The following FBXW7 variants were observed in gnomAD, a reference collection of about 807,000 sequenced individuals.
The protein encoded by FBXW7 is F-box/WD repeat-containing protein 7.
FBXW7 carries 11 observed loss-of-function variants against 86.3 expected under a neutral mutation model. That is an observed-to-expected ratio of 0.13 (90% CI 0.08 to 0.21). The LOEUF is 0.21. Ranked by LOEUF, FBXW7 falls within the 10% of genes least tolerant of loss-of-function variation. FBXW7 has a pLI of 1.00. For synonymous variants in FBXW7, 313 were observed against 297.9 expected (o/e 1.05, Z -0.52); for missense variants, 488 against 847.4 (o/e 0.58, Z 5.27).
intron 4 of FBXW7, among the ~76,000 whole-genome samples, chr4:152,365,711 G>T (rs1400075673): frequency 2.0e-5 from 3 of 152,104 alleles, no homozygotes; most frequent in Non-Finnish European, 4.4e-5. Flanking sequence ...GAGATAACTG[G>T]GTATCCAAAT....
At chr4:152,442,976 C>A (rs72721625) in intron 2 of FBXW7, among the ~76,000 whole-genome samples, 3,772 of 152,180 alleles carry the variant, frequency 0.025, 54 homozygotes, top group Non-Finnish European at 0.039. Context: ...TATTAAAGCA[C>A]CCAAGGCCAG....
chr4:152,488,359 C>T (rs968175081), intron 2 of FBXW7, among the ~76,000 whole-genome samples: 12 of 152,046 alleles, frequency 7.9e-5, no homozygotes, highest in Admixed American at 3.3e-4. Context: ...AAGAGAAGGT[C>T]AACGGCTTTC....
chr4:152,503,073 C>T (rs1019850047), intron 2 of FBXW7, among the ~76,000 whole-genome samples: 1 of 151,990 alleles, frequency 6.6e-6, no homozygotes, highest in African/African-American at 2.4e-5. Flanking sequence ...GAAATTATTT[C>T]AATTATAGAA....
intron 2 of FBXW7, among the ~76,000 whole-genome samples, chr4:152,504,611 A>C (rs143398413): frequency 2.6e-5 from 4 of 152,272 alleles, no homozygotes; most frequent in Admixed American, 6.5e-5. Context: ...ATTACAGAAA[A>C]ATTATTTTTT....
chr4:152,524,878 G>T (rs572971319), intron 2 of FBXW7, among the ~76,000 whole-genome samples: 16 of 152,302 alleles, frequency 1.1e-4, no homozygotes, highest in Non-Finnish European at 1.0e-4. Flanking sequence ...CCCACTCACT[G>T]TATAAGCATT....
At chr4:152,529,822 A>AAC (rs143433338) in intron 2 of FBXW7, among the ~76,000 whole-genome samples, 2,066 of 152,096 alleles carry the variant, frequency 0.014, 23 homozygotes, top group Middle Eastern at 0.037. Flanking sequence ...TGGGTGCTAA[A>AAC]ACACACACAC....
At chr4:152,422,068 C>T (rs973862242) in intron 2 of FBXW7, among the ~76,000 whole-genome samples, 2 of 151,870 alleles carry the variant, frequency 1.3e-5, no homozygotes, top group African/African-American at 4.8e-5. Flanking sequence ...AGGATTGCTC[C>T]AACCCTTCAA....
intron 4 of FBXW7, among the ~76,000 whole-genome samples, chr4:152,398,946 G>A (rs1209382491): frequency 1.3e-5 from 2 of 151,998 alleles, no homozygotes; most frequent in Non-Finnish European, 2.9e-5. Flanking sequence ...ATTTCAAAAG[G>A]AACTTACATT....
intron 4 of FBXW7, among the ~76,000 whole-genome samples, chr4:152,361,965 C>CAAAAAAAAAAA (rs569330155): frequency 2.7e-5 from 1 of 37,084 alleles, no homozygotes; most frequent in African/African-American, 1.0e-4. Flanking sequence ...GACTCCATCT[C>CAAAAAAAAAAA]AAAAAAAAAA....
At chr4:152,459,424 A>C (rs954416848) in intron 2 of FBXW7, among the ~76,000 whole-genome samples, 2 of 152,242 alleles carry the variant, frequency 1.3e-5, no homozygotes, top group Non-Finnish European at 2.9e-5. Context: ...CAGCTACAAC[A>C]GTAGCCATAC....
At chr4:152,466,404 A>G (rs1743443308) in intron 2 of FBXW7, among the ~76,000 whole-genome samples, 1 of 151,838 alleles carries the variant, frequency 6.6e-6, no homozygotes, top group African/African-American at 2.4e-5. Context: ...AAAATACAAA[A>G]ATTAGTCAGG....
intron 4 of FBXW7, among the ~76,000 whole-genome samples, chr4:152,355,475 G>A (rs1732281910): frequency 6.6e-6 from 1 of 152,048 alleles, no homozygotes; most frequent in African/African-American, 2.4e-5. Context: ...AAATAGCTAA[G>A]TTAGTCAACC....
chr4:152,532,129 A>G (rs553295689), intron 2 of FBXW7, among the ~76,000 whole-genome samples: 1 of 152,328 alleles, frequency 6.6e-6, no homozygotes, highest in Non-Finnish European at 1.5e-5. Context: ...TTACATTTTC[A>G]GTATATTACC....
chr4:152,357,531 G>A (rs1031528268), intron 4 of FBXW7, among the ~76,000 whole-genome samples: 2 of 151,898 alleles, frequency 1.3e-5, no homozygotes, highest in Non-Finnish European at 2.9e-5. Context: ...ATGTTGGCCA[G>A]GCTAGTCTCG....
rs562933197 is a variant in FBXW7 at position 152,455,061 on chromosome 4, A to C, written c.-119-42532T>G. 5.9e-5 allele frequency among the ~76,000 whole-genome samples: 9 copies of C among 152,308 alleles called. No individual in the cohort carries two copies. In the South Asian group the frequency reaches 1.9e-3, roughly 32 times the overall value. ...TTAAATTACATATCCATTTATTTGA[A>C]AGGAAGCTGTAAAAAGACTTTAATA... is the stretch of plus-strand genomic sequence containing the variant. On this transcript the variant is annotated intron_variant, in intron 2 of 13. Transcript: ENST00000281708.
chr4:152,353,278 G>A (rs1732039879), intron 4 of FBXW7, among the ~76,000 whole-genome samples: 1 of 152,144 alleles, frequency 6.6e-6, no homozygotes. Context: ...ATCCCGAAAA[G>A]AGAAATTAAT....
intron 2 of FBXW7, among the ~76,000 whole-genome samples, chr4:152,464,472 C>G (rs1054986712): frequency 5.3e-5 from 8 of 152,132 alleles, no homozygotes; most frequent in Non-Finnish European, 1.0e-4. Context: ...TAGGACTGTT[C>G]ATTTGAGCAC....
chr4:152,415,338 G>A (rs1318470260), intron 2 of FBXW7, among the ~76,000 whole-genome samples: 1 of 152,132 alleles, frequency 6.6e-6, no homozygotes, highest in Non-Finnish European at 1.5e-5. Context: ...TACATGGGCA[G>A]GTATAATCCA....
At chr4:152,470,000 A>C (rs954635427) in intron 2 of FBXW7, among the ~76,000 whole-genome samples, 1 of 151,942 alleles carries the variant, frequency 6.6e-6, no homozygotes, top group Non-Finnish European at 1.5e-5. Flanking sequence ...TATATAATAA[A>C]ATTTTTTAAA....
Sources: allele counts gnomAD v4.1 joint callset (sites outside exome capture counted in the v4.1 genomes callset), GRCh38; gene constraint gnomAD v4.1.1; transcripts MANE v1.5; gene names NCBI Gene and HGNC (gene_info 2026-07-23, HGNC 2026-07-21).